The following KIAA1328 variants were observed in gnomAD, a reference collection of about 807,000 sequenced individuals.
KIAA1328 encodes the protein KIAA1328, also known as protein hinderin.
Under a neutral mutation model 68.1 loss-of-function variants are expected in KIAA1328, and 52 were observed. That is an observed-to-expected ratio of 0.76 (90% confidence interval 0.61 to 0.96). The LOEUF is 0.96. Among genes scored for constraint, KIAA1328 ranks in the 40% least tolerant of loss-of-function variants. The probability of loss-of-function intolerance (pLI) is 0.00; values close to 1 mark genes in which losing one functional copy is unlikely to be tolerated. For synonymous variants in KIAA1328, 232 were observed against 239.4 expected (o/e 0.97, Z 0.28); for missense variants, 641 against 677.6 (o/e 0.95, Z 0.60).
chr18:37,115,769 C>T (rs983311255), intron 7 of KIAA1328, among the ~76,000 whole-genome samples: 45 of 152,252 alleles, frequency 3.0e-4, no homozygotes, highest in South Asian at 1.7e-3. Flanking sequence ...AAAACCCCAT[C>T]GTCTCAGCCC....
At chr18:37,099,630 T>C (rs867570342) in intron 7 of KIAA1328, among the ~76,000 whole-genome samples, 14 of 152,160 alleles carry the variant, frequency 9.2e-5, no homozygotes, top group African/African-American at 1.9e-4. Flanking sequence ...TGGGTATCCT[T>C]GTTAACTTTC....
At chr18:36,930,489 T>G (rs1471873624) in intron 5 of KIAA1328, among the ~76,000 whole-genome samples, 1 of 152,136 alleles carries the variant, frequency 6.6e-6, no homozygotes, top group Non-Finnish European at 1.5e-5. Flanking sequence ...TTTTTATAGG[T>G]GAGTTAAATA....
At chr18:37,059,149 T>C (rs751852837) in intron 6 of KIAA1328, among the ~76,000 whole-genome samples, 2 of 152,088 alleles carry the variant, frequency 1.3e-5, no homozygotes, top group Non-Finnish European at 2.9e-5. Context: ...CATTTTCCCA[T>C]CTGTAAAATG....
At chr18:36,893,111 A>G (rs541622928) in intron 5 of KIAA1328, among the ~76,000 whole-genome samples, 1 of 152,220 alleles carries the variant, frequency 6.6e-6, no homozygotes, top group East Asian at 1.9e-4. Context: ...TCCCAATAAG[A>G]GTCTCTAGGG....
intron 7 of KIAA1328, among the ~76,000 whole-genome samples, chr18:37,135,809 T>A (rs2154206861): frequency 6.6e-6 from 1 of 152,300 alleles, no homozygotes; most frequent in South Asian, 2.1e-4. Flanking sequence ...ATTCTTATAG[T>A]TTGAGGTCTT....
At chr18:37,030,720 A>G (rs2054789819) in intron 6 of KIAA1328, among the ~76,000 whole-genome samples, 1 of 152,120 alleles carries the variant, frequency 6.6e-6, no homozygotes. Flanking sequence ...TCTAGGGTAC[A>G]TGTGCACAAC....
At chr18:37,033,593 C>T (rs1354742068) in intron 6 of KIAA1328, among the ~76,000 whole-genome samples, 1 of 152,200 alleles carries the variant, frequency 6.6e-6, no homozygotes, top group Non-Finnish European at 1.5e-5. Flanking sequence ...GGAAGTGTTT[C>T]ATTTACAACT....
chr18:37,122,484 G>A (rs1329093320), intron 7 of KIAA1328, among the ~76,000 whole-genome samples: 1 of 152,066 alleles, frequency 6.6e-6, no homozygotes, highest in Non-Finnish European at 1.5e-5. Flanking sequence ...AGATGACAAG[G>A]AAGCAATATG....
At chr18:36,895,573 A>AT (rs2048841645) in intron 5 of KIAA1328, among the ~76,000 whole-genome samples, 1 of 152,116 alleles carries the variant, frequency 6.6e-6, no homozygotes, top group Admixed American at 6.6e-5. Context: ...CTAAACATGT[A>AT]TTTTTTGGAG....
At chr18:36,881,349 A>G (rs2048323295) in intron 4 of KIAA1328, among the ~76,000 whole-genome samples, 1 of 152,074 alleles carries the variant, frequency 6.6e-6, no homozygotes, top group Non-Finnish European at 1.5e-5. Context: ...TCCATTTTTA[A>G]TATCGAATCT....
At position 36,894,946 on chromosome 18, in the gene KIAA1328, G is replaced by A. The variant is rs1005005886; in HGVS notation, c.448+9274G>A. Among the ~76,000 whole-genome samples the A allele has an allele frequency of 2.0e-5, 3 of 152,232 alleles. No homozygotes were observed. In the South Asian group the frequency reaches 6.2e-4, roughly 32 times the overall value. ...TCAAGCCCTCCATTACTAGTGTCAAGTAACATGTGTGACCTTCATTTTTAT... is the reference window on the plus strand; with the variant it reads ...TCAAGCCCTCCATTACTAGTGTCAAATAACATGTGTGACCTTCATTTTTAT... On this transcript the variant is annotated intron_variant, in intron 5 of 9. Transcript: ENST00000280020.
intron 6 of KIAA1328, among the ~76,000 whole-genome samples, chr18:37,027,536 CA>C (rs1462143529): frequency 6.6e-6 from 1 of 152,144 alleles, no homozygotes; most frequent in African/African-American, 2.4e-5. Flanking sequence ...ACCAATGCAA[CA>C]GAACAGAACC....
At chr18:36,869,789 A>G (rs1198951981) in intron 4 of KIAA1328, among the ~76,000 whole-genome samples, 5 of 152,198 alleles carry the variant, frequency 3.3e-5, no homozygotes, top group Non-Finnish European at 5.9e-5. Context: ...TACTGCCTCA[A>G]AATTGGAACT....
At chr18:37,129,596 A>C (rs2151952035) in intron 7 of KIAA1328, among the ~76,000 whole-genome samples, 1 of 152,304 alleles carries the variant, frequency 6.6e-6, no homozygotes, top group South Asian at 2.1e-4. Context: ...TTTGACCCTA[A>C]GGTTGTGATT....
At chr18:37,153,649 TC>T (rs1162808483) in intron 7 of KIAA1328, among the ~76,000 whole-genome samples, 1 of 145,988 alleles carries the variant, frequency 6.8e-6, no homozygotes, top group Non-Finnish European at 1.5e-5. Flanking sequence ...TTTTTTTTTT[TC>T]CCAATACAAG....
At chr18:37,216,897 CTCTT>C in intron 9 of KIAA1328, among the ~76,000 whole-genome samples, 1 of 109,358 alleles carries the variant, frequency 9.1e-6, no homozygotes, top group Admixed American at 9.1e-5. Flanking sequence ...CCTTCTTTGT[CTCTT>C]TTTTTTTTTT....
intron 7 of KIAA1328, among the ~76,000 whole-genome samples, chr18:37,136,647 T>G (rs2058652553): frequency 6.6e-6 from 1 of 152,218 alleles, no homozygotes; most frequent in South Asian, 2.1e-4. Flanking sequence ...CAGAGTAGAG[T>G]AAGGCCTGGT....
At chr18:37,185,165 C>CA (rs879479961) in intron 9 of KIAA1328, among the ~76,000 whole-genome samples, 1,246 of 119,884 alleles carry the variant, frequency 0.01, 19 homozygotes, top group African/African-American at 0.029. Context: ...GACTCCATCT[C>CA]AAAAAAAAAA....
chr18:37,057,865 A>G (rs1007498986), intron 6 of KIAA1328, among the ~76,000 whole-genome samples: 2 of 152,224 alleles, frequency 1.3e-5, no homozygotes, highest in Non-Finnish European at 2.9e-5. Context: ...CAAGGATCTC[A>G]TGGCCTGCAA....
Sources: allele counts gnomAD v4.1 joint callset (sites outside exome capture counted in the v4.1 genomes callset), GRCh38; gene constraint gnomAD v4.1.1; transcripts MANE v1.5; gene names NCBI Gene and HGNC (gene_info 2026-07-23, HGNC 2026-07-21).